The following DOCK1 variants were observed in gnomAD, a reference collection of about 807,000 sequenced individuals.
DOCK1 encodes dedicator of cytokinesis protein 1.
DOCK1 carries 138 observed loss-of-function variants against 262.7 expected under a neutral mutation model. The observed-to-expected ratio is 0.53, with a 90% CI of 0.46 to 0.61. The LOEUF (loss-of-function observed/expected upper bound fraction) is 0.61. Among genes scored for constraint, DOCK1 ranks in the 20% least tolerant of loss-of-function variants. The pLI, the probability that DOCK1 is intolerant of heterozygous loss-of-function variation, is 0.00. For synonymous variants in DOCK1, 866 were observed against 867.4 expected (o/e 1.00, Z 0.03); for missense variants, 1,908 against 2,370.7 (o/e 0.80, Z 4.05).
intron 1 of DOCK1, among the ~76,000 whole-genome samples, chr10:126,927,679 C>T (rs990913091): frequency 5.3e-5 from 8 of 152,124 alleles, no homozygotes; most frequent in Non-Finnish European, 1.0e-4. Flanking sequence ...TCAGGTGATC[C>T]GCCCACCTCG....
chr10:127,219,001 A>T (rs1330287173), intron 27 of DOCK1, among the ~76,000 whole-genome samples: 1 of 152,184 alleles, frequency 6.6e-6, no homozygotes, highest in Non-Finnish European at 1.5e-5. Context: ...TAAGGGCCTT[A>T]ATCCCACCTC....
chr10:127,281,036 T>C (rs1190896131), intron 29 of DOCK1, among the ~76,000 whole-genome samples: 1 of 152,228 alleles, frequency 6.6e-6, no homozygotes. Flanking sequence ...TAGCAAGTAT[T>C]TGTTTTAAAT....
At position 127,446,584 on chromosome 10, in the gene DOCK1, G is replaced by T. The variant is rs145371799; in HGVS notation, c.5414-810G>T. The stretch of plus-strand genomic sequence containing the variant: ...GGCAGAGCTTCCTTATAAGCTTACA[G>T]TGTGGCCTTCCTAGCATGCATTTTC... On this transcript the variant is annotated intron_variant, in intron 50 of 51. Transcript: ENST00000623213. The surrounding 1 kb of genome is among the most constrained non-coding windows in gnomAD (Gnocchi z 4.4). Among the ~76,000 whole-genome samples the T allele has an allele frequency of 7.9e-5, 12 of 152,162 alleles. No individual in the cohort carries two copies. Among genetic ancestry groups the T allele is most frequent in the African/African-American group, 2.7e-4 (11 of 41,432 alleles).
intron 38 of DOCK1, among the ~76,000 whole-genome samples, chr10:127,388,865 A>AGT (rs2066293206): frequency 1.8e-5 from 1 of 54,800 alleles, no homozygotes; most frequent in Non-Finnish European, 3.5e-5. Context: ...AGCTTGTTAG[A>AGT]CAGGTGAGTC....
chr10:127,056,107 C>T (rs952645016), intron 22 of DOCK1, among the ~76,000 whole-genome samples: 1 of 152,140 alleles, frequency 6.6e-6, no homozygotes, highest in Non-Finnish European at 1.5e-5. Flanking sequence ...GCTCCCTAAG[C>T]CTCTGAGGCC....
At chr10:126,994,785 C>T (rs1227711056) in intron 6 of DOCK1, among the ~76,000 whole-genome samples, 9 of 152,176 alleles carry the variant, frequency 5.9e-5, no homozygotes, top group Admixed American at 1.3e-4. Context: ...CTTTTCTATT[C>T]GACAAAACCG....
chr10:127,213,499 G>A (rs1371844228), intron 27 of DOCK1, among the ~76,000 whole-genome samples: 2 of 152,198 alleles, frequency 1.3e-5, no homozygotes, highest in African/African-American at 4.8e-5. Flanking sequence ...ATAGTGATAA[G>A]TTCTCTTTAA....
chr10:127,444,107 T>G lies in DOCK1; in HGVS notation c.5260-19T>G. The G allele has an allele frequency of 3.9e-6, 6 of 1,552,402 alleles. No homozygotes were observed. Among genetic ancestry groups the G allele is most frequent in the Non-Finnish European group, 5.2e-6 (6 of 1,147,742 alleles). On this transcript the variant is annotated intron_variant, in intron 49 of 51. Coordinates refer to ENST00000623213, the MANE Select transcript of DOCK1 (RefSeq NM_001290223.2). The stretch of plus-strand genomic sequence containing the variant: ...CCATAACAGACCGTAACTGTGCTCT[T>G]TCTGTCCTTTTGATGTAGATAAGTC...
At chr10:127,298,870 C>G (rs879764592) in intron 29 of DOCK1, among the ~76,000 whole-genome samples, 2 of 152,106 alleles carry the variant, frequency 1.3e-5, no homozygotes, top group African/African-American at 2.4e-5. Context: ...AGAGAACCCA[C>G]CCAGGTGTCC....
At position 127,249,097 on chromosome 10, in the gene DOCK1, A is replaced by C. The variant is rs562381267; in HGVS notation, c.2949+988A>C. Reference sequence around the variant, plus strand: ...AGGATGGGGACCGCTGTAAAAGAATACTCATAGATACCTGCAGAACATGGC... The same window carrying C: ...AGGATGGGGACCGCTGTAAAAGAATCCTCATAGATACCTGCAGAACATGGC... On this transcript the variant is annotated intron_variant, in intron 28 of 51. Coordinates refer to ENST00000623213, the MANE Select transcript of DOCK1 (RefSeq NM_001290223.2). 1.2e-3 allele frequency among the ~76,000 whole-genome samples: 188 copies of C among 152,252 alleles called. 3 individuals carry two copies. Among genetic ancestry groups the C allele is most frequent in the African/African-American group, 4.5e-3 (185 of 41,548 alleles).
rs1164388384 is a variant in DOCK1, at chr10:127,262,029, CATGT to C, written c.3044+4601_3044+4604del. Among the ~76,000 whole-genome samples, 104 of 96,204 alleles carry C rather than the reference CATGT, an allele frequency of 1.1e-3. 1 individual carries two copies. Among genetic ancestry groups the C allele is most frequent in the Non-Finnish European group, 1.4e-3 (70 of 50,212 alleles). 63.1% of individuals were successfully genotyped at this position (96,204 alleles called of 152,430 possible). Reference sequence around the variant, plus strand: ...CTGTTTGTGTACCTGCATGTGTGTGCATGTGTGTGTGTGTGTGTACCTGTGCTCT... The same window carrying C: ...CTGTTTGTGTACCTGCATGTGTGTGCGTGTGTGTGTGTGTACCTGTGCTCT... On this transcript the variant is annotated intron_variant, in intron 29 of 51. Coordinates refer to ENST00000623213, the MANE Select transcript of DOCK1 (RefSeq NM_001290223.2).
chr10:127,000,492 G>A (rs2040505859), intron 10 of DOCK1, 185 bp downstream of exon 10: 1 of 815,920 alleles, frequency 1.2e-6, no homozygotes, highest in Admixed American at 3.1e-5. Flanking sequence ...GGCTCAGGAT[G>A]CTCTAGTCCT....
chr10:126,923,987 A>G (rs2033458054), intron 1 of DOCK1, among the ~76,000 whole-genome samples: 1 of 152,202 alleles, frequency 6.6e-6, no homozygotes, highest in Non-Finnish European at 1.5e-5. Context: ...GTGGGAAATG[A>G]ATTTCCATTG....
chr10:127,145,281 C>T (rs2051698124), intron 27 of DOCK1, among the ~76,000 whole-genome samples: 1 of 152,116 alleles, frequency 6.6e-6, no homozygotes, highest in South Asian at 2.1e-4. Context: ...ATTGCCTCTG[C>T]CCATCGTAAG....
In DOCK1 at chr10:127,428,787, G is replaced by A. The variant is rs2069020030; in HGVS notation, c.4914+2776G>A. Among the ~76,000 whole-genome samples the A allele has an allele frequency of 2.6e-5, 3 of 117,528 alleles. No individual in the cohort carries two copies. In the South Asian group the frequency reaches 8.9e-4, roughly 35 times the overall value. 77.1% of individuals were successfully genotyped at this position (117,528 alleles called of 152,430 possible). On this transcript the variant is annotated intron_variant, in intron 47 of 51. Transcript: ENST00000623213. ...ACCGTGTGGACTGTGGTGCTGTGTG[G>A]ACTGTGTCATGTGGATTGGGGTGCC...
At chr10:127,064,522 A>G (rs1184820425) in intron 23 of DOCK1, among the ~76,000 whole-genome samples, 1 of 152,176 alleles carries the variant, frequency 6.6e-6, no homozygotes, top group African/African-American at 2.4e-5. Context: ...GAAAACACAA[A>G]TGGAGGACGC....
At chr10:127,150,012 A>G (rs1047022901) in intron 27 of DOCK1, among the ~76,000 whole-genome samples, 1 of 152,158 alleles carries the variant, frequency 6.6e-6, no homozygotes, top group African/African-American at 2.4e-5. Context: ...TTGTGTTTCT[A>G]CAGATTCATA....
chr10:127,404,270 A>T, intron 39 of DOCK1, 55 bp from the exon 40 acceptor site: 9 of 1,471,196 alleles, frequency 6.1e-6, no homozygotes, highest in Non-Finnish European at 8.4e-6. Context: ...AAGAATCCAG[A>T]GGCACACATG....
intron 27 of DOCK1, among the ~76,000 whole-genome samples, chr10:127,174,990 A>G (rs2054944391): frequency 6.6e-6 from 1 of 152,250 alleles, no homozygotes. Flanking sequence ...ATTCAAGGCC[A>G]GAAAGATGAA....
Sources: gnomAD v4.1 joint callset for allele counts (sites outside exome capture counted in the v4.1 genomes callset) on GRCh38, gnomAD v4.1.1 for gene constraint, Gnocchi (gnomAD v3.1) non-coding constraint, MANE v1.5 for transcripts, NCBI Gene and HGNC (gene_info 2026-07-23, HGNC 2026-07-21) for gene names.